GABPB2: variants seen among roughly 807,000 people sequenced by gnomAD.
The protein encoded by GABPB2 is GA binding protein transcription factor subunit beta 2, also known as GA-binding protein subunit beta-2.
In GABPB2, 23 loss-of-function variants were observed where a neutral mutation model predicts 39.1. That is an observed-to-expected ratio of 0.59 (90% CI 0.42 to 0.83). The LOEUF (loss-of-function observed/expected upper bound fraction) is 0.83. Among genes scored for constraint, GABPB2 ranks in the 40% least tolerant of loss-of-function variants. The probability of loss-of-function intolerance (pLI) is 0.00; values close to 1 mark genes in which losing one functional copy is unlikely to be tolerated. For synonymous variants in GABPB2, 184 were observed against 199.3 expected (o/e 0.92, Z 0.65); for missense variants, 467 against 541.1 (o/e 0.86, Z 1.36).
At chr1:151,084,090 A>G (rs587728401) in intron 1 of GABPB2, among the ~76,000 whole-genome samples, 3 of 150,590 alleles carry the variant, frequency 2.0e-5, no homozygotes, top group African/African-American at 7.3e-5. Context: ...TTAATGTGGA[A>G]ATGGGGCCTT....
At chr1:151,108,283 C>A (rs587756698) in intron 7 of GABPB2, among the ~76,000 whole-genome samples, 296 of 152,250 alleles carry the variant, frequency 1.9e-3, no homozygotes, top group African/African-American at 6.7e-3. Context: ...AATTCTTGTG[C>A]CTCAGCCTCC....
At position 151,121,814 on chromosome 1, in the gene GABPB2, G is replaced by C. The variant is rs1055825050; in HGVS notation, c.*3558G>C. The C allele has an allele frequency of 6.6e-6, 1 of 152,166 alleles. No homozygotes were observed. Among genetic ancestry groups the C allele is most frequent in the African/African-American group, 2.4e-5 (1 of 41,422 alleles). 9.4% of individuals were successfully genotyped at this position (152,166 alleles called of 1,614,324 possible). A position where few individuals can be genotyped will look rare whatever the true frequency, so the allele number is the denominator to read the frequency against. ...AAGGGAATATGGATGGAGAGAGAGA[G>C]GTTATGAACAGGTTATGTTACAGAG... On this transcript the variant is annotated 3_prime_UTR_variant, in exon 9 of 9. Coordinates refer to ENST00000368918, the MANE Select transcript of GABPB2 (RefSeq NM_144618.3).
intron 4 of GABPB2, among the ~76,000 whole-genome samples, chr1:151,094,906 A>G (rs1678995108): frequency 6.6e-6 from 1 of 151,068 alleles, no homozygotes; most frequent in East Asian, 2.0e-4. Context: ...GCTACTCGGG[A>G]GGCTGAAGCA....
intron 7 of GABPB2, among the ~76,000 whole-genome samples, chr1:151,114,630 G>T (rs1338831482): frequency 1.3e-5 from 2 of 151,910 alleles, no homozygotes; most frequent in African/African-American, 2.4e-5. Flanking sequence ...CCCAGGAGGT[G>T]GAGGTTGCAG....
intron 3 of GABPB2, among the ~76,000 whole-genome samples, chr1:151,092,762 G>A (rs1678823125): frequency 1.3e-5 from 2 of 151,828 alleles, no homozygotes; most frequent in South Asian, 4.1e-4. Context: ...TTTTGTAGAG[G>A]CATGTTTTTT....
chr1:151,088,467 T>C, intron 2 of GABPB2, 170 bp downstream of exon 2: 1 of 1,368,878 alleles, frequency 7.3e-7, no homozygotes, highest in Non-Finnish European at 9.9e-7. Flanking sequence ...CTTTTTCTTT[T>C]AGTTTTCCAA....
At position 151,105,330 on chromosome 1, in the gene GABPB2, CAT is replaced by C. The variant is rs587720544; in HGVS notation, c.736+1657_736+1658del. Among the ~76,000 whole-genome samples the C allele has an allele frequency of 8.4e-3, 1,272 of 151,390 alleles. 5 individuals carry two copies. Among genetic ancestry groups the C allele is most frequent in the Non-Finnish European group, 0.015 (988 of 67,894 alleles). On this transcript the variant is annotated intron_variant, in intron 6 of 8. Transcript: ENST00000368918. Reference sequence around the variant, plus strand: ...GATTCAACATAATACACATAACACTCATAGAATGGTACCTGGCACATAAGCGT... The same window carrying C: ...GATTCAACATAATACACATAACACTCAGAATGGTACCTGGCACATAAGCGT...
rs930808676 is a variant in GABPB2, at chr1:151,084,020, T to C, written c.1-4170T>C. On this transcript the variant is annotated intron_variant, in intron 1 of 8. Transcript: ENST00000368918. ...TCCCAAAGTGTTGAGATTACAGGCA[T>C]GAGCCACCGTGCCCATCCTTTTATT... 2.7e-5 allele frequency among the ~76,000 whole-genome samples: 4 copies of C among 150,912 alleles called. No homozygotes were observed. In the East Asian group the frequency reaches 5.8e-4, roughly 22 times the overall value.
chr1:151,075,587 A>AG (rs1677102653), intron 1 of GABPB2, among the ~76,000 whole-genome samples: 1 of 150,572 alleles, frequency 6.6e-6, no homozygotes, highest in African/African-American at 2.4e-5. Flanking sequence ...AAAAAAAAAA[A>AG]AAATTTAGCC....
chr1:151,105,355 C>T lies in GABPB2; in HGVS notation c.736+1680C>T, dbSNP rs780471050. Reference sequence around the variant, plus strand: ...CATAGAATGGTACCTGGCACATAAGCGTTGGCTATTTTATATATATATGTG... The same window carrying T: ...CATAGAATGGTACCTGGCACATAAGTGTTGGCTATTTTATATATATATGTG... On this transcript the variant is annotated intron_variant, in intron 6 of 8. Coordinates refer to ENST00000368918, the MANE Select transcript of GABPB2 (RefSeq NM_144618.3). Among the ~76,000 whole-genome samples, 4 of 149,750 alleles carry T rather than the reference C, an allele frequency of 2.7e-5. No individual in the cohort carries two copies. The South Asian group carries it at 8.4e-4, about 31-fold the overall frequency.
At chr1:151,074,880 C>T (rs928533420) in intron 1 of GABPB2, among the ~76,000 whole-genome samples, 2 of 152,182 alleles carry the variant, frequency 1.3e-5, no homozygotes, top group Admixed American at 1.3e-4. Flanking sequence ...TGACTGGGCA[C>T]AGTGGCTCAC....
intron 4 of GABPB2, among the ~76,000 whole-genome samples, chr1:151,096,888 G>A (rs1112193): frequency 0.93 from 141,304 of 152,244 alleles, 65,615 homozygotes; most frequent in East Asian, 0.97. Flanking sequence ...TACTTTTTAG[G>A]CTATTCAGGT....
At chr1:151,072,014 C>T (rs775784545) in intron 1 of GABPB2, among the ~76,000 whole-genome samples, 3 of 152,240 alleles carry the variant, frequency 2.0e-5, no homozygotes, top group Non-Finnish European at 4.4e-5. Flanking sequence ...TTACTATCAA[C>T]GATGTAACAA....
intron 1 of GABPB2, chr1:151,073,178 C>A (rs1676868300): frequency 6.6e-6 from 1 of 152,100 alleles, no homozygotes; most frequent in Admixed American, 6.6e-5. Context: ...CCACACCCTG[C>A]TAATTTTTTT....
chr1:151,093,402 T>C lies in GABPB2; in HGVS notation c.471+16T>C. 1 of 1,556,180 alleles carries C rather than the reference T, an allele frequency of 6.4e-7. No homozygotes were observed. Among genetic ancestry groups the C allele is most frequent in the Non-Finnish European group, 8.7e-7 (1 of 1,150,740 alleles). ...CATCCTCCAGGTGTGGTTCTTTTTA[T>C]ACTCTCCAGAATGTATGTTAATTGA... On this transcript the variant is annotated intron_variant, in intron 4 of 8. Transcript: ENST00000368918.
rs1681168550 is a variant in GABPB2, at chr1:151,121,111, T to C, written c.*2855T>C. On this transcript the variant is annotated 3_prime_UTR_variant, in exon 9 of 9. Coordinates refer to ENST00000368918, the MANE Select transcript of GABPB2 (RefSeq NM_144618.3). Reference sequence around the variant, plus strand: ...AATTTTCTAAGTGTCATTTAGGACATATTGTGCTTTTCTGTGGAGCTTATA... The same window carrying C: ...AATTTTCTAAGTGTCATTTAGGACACATTGTGCTTTTCTGTGGAGCTTATA... 1 of 152,198 alleles carries C rather than the reference T, an allele frequency of 6.6e-6. No homozygotes were observed. The highest frequency in any genetic ancestry group is 6.5e-5 in the Admixed American group (1 of 15,268). The allele number at this position is 152,198 out of a possible 1,614,324, so 9.4% of individuals were successfully genotyped here.
chr1:151,091,465 CAAAAAAAAAAAAAAA>C lies in GABPB2; in HGVS notation c.276+907_276+921del, dbSNP rs34351787. Among the ~76,000 whole-genome samples the C allele has an allele frequency of 1.9e-4, 14 of 73,456 alleles. No homozygotes were observed. In the Admixed American group the frequency reaches 2.4e-3, roughly 13 times the overall value. 48.2% of individuals were successfully genotyped at this position (73,456 alleles called of 152,430 possible). On this transcript the variant is annotated intron_variant, in intron 3 of 8. Transcript: ENST00000368918. ...GGTGCGGTGGCTCACTCCTGTGTCT[CAAAAAAAAAAAAAAA>C]AAAAAAAAAAAAAAGATGAAGTCTC...
chr1:151,100,429 C>T (rs937531130), intron 5 of GABPB2, among the ~76,000 whole-genome samples: 1 of 151,756 alleles, frequency 6.6e-6, no homozygotes, highest in African/African-American at 2.4e-5. Flanking sequence ...AGGCGCCTGC[C>T]ACCACACCCA....
At chr1:151,088,015 C>A (rs776973299) in intron 1 of GABPB2, 175 bp from the exon 2 acceptor site, 2 of 554,268 alleles carry the variant, frequency 3.6e-6, no homozygotes, top group Non-Finnish European at 6.5e-6. Context: ...GAAACATTCC[C>A]AAATATTTTA....
Sources: allele counts gnomAD v4.1 joint callset (sites outside exome capture counted in the v4.1 genomes callset), GRCh38; gene constraint gnomAD v4.1.1; transcripts MANE v1.5; gene names NCBI Gene and HGNC (gene_info 2026-07-23, HGNC 2026-07-21).